CFAP70: variants seen among roughly 807,000 people sequenced by gnomAD.
CFAP70 encodes cilia- and flagella-associated protein 70.
In CFAP70, 81 loss-of-function variants were observed where a neutral mutation model predicts 137.6. The ratio of observed to expected loss-of-function variants is 0.59; its 90% CI spans 0.49 to 0.71. The LOEUF (loss-of-function observed/expected upper bound fraction) is 0.71. Among genes scored for constraint, CFAP70 ranks in the 30% least tolerant of loss-of-function variants. The pLI is 0.00. For synonymous variants in CFAP70, 382 were observed against 423.6 expected, an observed-to-expected ratio of 0.90 and a Z score of 1.20; for missense variants, 976 against 1,226.7, an observed-to-expected ratio of 0.80 and a Z score of 3.05.
chr10:73,330,334 C>T (rs573916352), intron 8 of CFAP70, among the ~76,000 whole-genome samples: 2 of 151,510 alleles, frequency 1.3e-5, no homozygotes, highest in Non-Finnish European at 2.9e-5. Flanking sequence ...CCTATAATCC[C>T]AGCTACTCAG....
At chr10:73,261,023 A>G (rs2045116034) in intron 25 of CFAP70, among the ~76,000 whole-genome samples, 1 of 152,226 alleles carries the variant, frequency 6.6e-6, no homozygotes, top group African/African-American at 2.4e-5. Flanking sequence ...TAAGAATCTG[A>G]CAAACTGTTT....
intron 9 of CFAP70, among the ~76,000 whole-genome samples, chr10:73,317,995 C>T (rs1310273452): frequency 6.6e-6 from 1 of 152,152 alleles, no homozygotes; most frequent in Non-Finnish European, 1.5e-5. Flanking sequence ...TATGCTCTTT[C>T]TCTCACCATG....
chr10:73,358,183 A>G (rs895811002), intron 1 of CFAP70, among the ~76,000 whole-genome samples: 1 of 152,280 alleles, frequency 6.6e-6, no homozygotes, highest in African/African-American at 2.4e-5. Context: ...CCTTGAAGGC[A>G]TGTAACCTGT....
At chr10:73,274,702 CTTTTCTTTTTCAGATCAACCG>C in intron 22 of CFAP70, 108 bp from the exon 24 acceptor site, 2 of 1,085,048 alleles carry the variant, frequency 1.8e-6, no homozygotes, top group African/African-American at 3.3e-5. Flanking sequence ...TTTCCTTTCT[CTTTTCTTTTTCAGATCAACCG>C]TTTTCTTTTT....
rs528529693 is a variant in CFAP70 at position 73,323,214 on chromosome 10, G to A, written c.778-117C>T. 4 of 949,388 alleles carry A rather than the reference G, an allele frequency of 4.2e-6. No individual in the cohort carries two copies. In the South Asian group the frequency reaches 1.2e-4, roughly 30 times the overall value. The allele number at this position is 949,388 out of a possible 1,614,324, so 58.8% of individuals were successfully genotyped here. Reference sequence around the variant, plus strand: ...AGAAACTAACTCAACTACTTAGCCAGTTATGTGACTTTGGGCCAGTTACAT... The same window carrying A: ...AGAAACTAACTCAACTACTTAGCCAATTATGTGACTTTGGGCCAGTTACAT... On this transcript the variant is annotated intron_variant, in intron 8 of 26. Transcript: ENST00000310715.
intron 7 of CFAP70, 124 bp from the exon 9 acceptor site, chr10:73,331,400 C>A: frequency 1.2e-6 from 1 of 800,926 alleles, no homozygotes; most frequent in Non-Finnish European, 1.9e-6. Context: ...AATTGGGGGG[C>A]TCGGCTCAGT....
chr10:73,310,858 A>C (rs4428990), intron 11 of CFAP70, among the ~76,000 whole-genome samples: 16,072 of 152,168 alleles, frequency 0.11, 1,231 homozygotes, highest in East Asian at 0.3. Context: ...TCCCAATTGC[A>C]AACTCCTTGC....
chr10:73,312,181 A>C (rs2049973989), intron 10 of CFAP70, among the ~76,000 whole-genome samples: 1 of 152,098 alleles, frequency 6.6e-6, no homozygotes, highest in Non-Finnish European at 1.5e-5. Flanking sequence ...GGAACATCAC[A>C]AACTGGGGCC....
At chr10:73,314,657 G>C (rs552731394) in intron 9 of CFAP70, among the ~76,000 whole-genome samples, 1 of 152,034 alleles carries the variant, frequency 6.6e-6, no homozygotes, top group South Asian at 2.1e-4. Context: ...ACCTAGACTG[G>C]AATGCAGTGG....
At chr10:73,257,860 T>TCTTCCC (rs1382435344) in intron 25 of CFAP70, among the ~76,000 whole-genome samples, 3 of 151,406 alleles carry the variant, frequency 2.0e-5, no homozygotes, top group Non-Finnish European at 4.4e-5. Context: ...CATTTCTTCT[T>TCTTCCC]CTTCTCCTTT....
At chr10:73,341,400 T>C in exon 6 of CFAP70, 1 of 1,610,186 alleles carries the variant, frequency 6.2e-7, no homozygotes, top group Non-Finnish European at 8.5e-7. Flanking sequence ...GGCTCTCACC[T>C]CAGGATGGTT....
chr10:73,322,960 T>C lies in CFAP70; in HGVS notation c.912+3A>G. ...TGATGATTTTTATGCAATTTTTTCT[T>C]ACCTTTTCATGGACTACACTGTCTA... On this transcript the variant is annotated splice_donor_region_variant and intron_variant, in intron 9 of 26. Coordinates refer to ENST00000310715, the Ensembl canonical transcript of CFAP70. The C allele has an allele frequency of 6.3e-7, 1 of 1,581,754 alleles. No individual in the cohort carries two copies. Among genetic ancestry groups the C allele is most frequent in the Non-Finnish European group, 8.6e-7 (1 of 1,169,198 alleles).
chr10:73,339,893 T>G (rs77700182), intron 6 of CFAP70, among the ~76,000 whole-genome samples: 1,652 of 152,324 alleles, frequency 0.011, 23 homozygotes, highest in Non-Finnish European at 0.018. Context: ...TCTCCCCTTT[T>G]TGTCACCCAC....
chr10:73,309,645 G>A (rs1335010412), intron 12 of CFAP70, among the ~76,000 whole-genome samples: 2 of 138,138 alleles, frequency 1.4e-5, no homozygotes, highest in Non-Finnish European at 3.1e-5. Context: ...TTGTTCATCC[G>A]TATTTCCTAA....
At chr10:73,260,212 G>C (rs1232332557) in intron 25 of CFAP70, among the ~76,000 whole-genome samples, 1 of 151,996 alleles carries the variant, frequency 6.6e-6, no homozygotes, top group Non-Finnish European at 1.5e-5. Context: ...AATTATCCAG[G>C]AGTGGTGGTG....
chr10:73,284,744 A>C (rs1283588863), intron 19 of CFAP70, among the ~76,000 whole-genome samples: 24 of 1,686 alleles, frequency 0.014, 3 homozygotes, highest in African/African-American at 0.066. Context: ...TGCCACATAT[A>C]TATATATATA....
At chr10:73,333,826 T>C (rs80144800) in intron 7 of CFAP70, among the ~76,000 whole-genome samples, 10,885 of 152,188 alleles carry the variant, frequency 0.072, 643 homozygotes, top group East Asian at 0.3. Flanking sequence ...CATCAGGAAA[T>C]ATCATAAATG....
Position 73,275,570 on chromosome 10 carries a change from A to G in CFAP70, c.2549T>C (p.Leu850Pro). ...GCTGGGGCCTCCTTGAGGGCATAAC[A>G]GCTCATGTGCAAGCACTCTGTGCAC... is the stretch of plus-strand genomic sequence containing the variant. Residue 850 changes from leucine (L) to proline (P), a missense_variant, in exon 22 of 27, where the codon CTG becomes CCG. Physicochemically the swap from Leu to Pro is moderately conservative, Grantham distance 98 (BLOSUM62 -3). Transcript: ENST00000310715. The surrounding 1 kb of genome is among the most constrained non-coding windows in gnomAD (Gnocchi z 4.0). 6.2e-7 allele frequency: 1 copy of G among 1,607,790 alleles called. No homozygotes were observed. The highest frequency in any genetic ancestry group is 8.5e-7 in the Non-Finnish European group (1 of 1,177,560).
chr10:73,325,466 G>C (rs891903584), intron 8 of CFAP70, among the ~76,000 whole-genome samples: 1 of 152,148 alleles, frequency 6.6e-6, no homozygotes, highest in African/African-American at 2.4e-5. Flanking sequence ...ATAATGACGG[G>C]ATCAAGTTCA....
Sources: gnomAD v4.1 joint callset for allele counts (sites outside exome capture counted in the v4.1 genomes callset) on GRCh38, gnomAD v4.1.1 for gene constraint, Gnocchi (gnomAD v3.1) non-coding constraint, MANE v1.5 for transcripts, NCBI Gene and HGNC (gene_info 2026-07-23, HGNC 2026-07-21) for gene names.